Variants in UBE2R2 observed in about 807,000 individuals in gnomAD.
UBE2R2 encodes ubiquitin-conjugating enzyme E2 R2.
In UBE2R2, 1 loss-of-function variant was observed where a neutral mutation model predicts 27.8. The observed-to-expected ratio is 0.04, with a 90% CI of 0.01 to 0.17. UBE2R2 has a LOEUF of 0.17. Among genes scored for constraint, UBE2R2 ranks in the 10% least tolerant of loss-of-function variants. The pLI is 1.00. For missense variants in UBE2R2, 100 were observed against 291.0 expected (o/e 0.34, Z 4.78); for synonymous variants, 106 against 113.3 (o/e 0.94, Z 0.41).
rs563352616 is a variant in UBE2R2, at chr9:33,849,825, G to A, written c.177+31891G>A. Among the ~76,000 whole-genome samples the A allele has an allele frequency of 5.9e-5, 9 of 152,128 alleles. No individual in the cohort carries two copies. The South Asian group carries it at 1.9e-3, about 32-fold the overall frequency. On this transcript the variant is annotated intron_variant, in intron 1 of 4. Coordinates refer to ENST00000263228, the MANE Select transcript of UBE2R2 (RefSeq NM_017811.4). ...TGAGCCAAGCCAAGATCTTACTACT[G>A]CGCTCCAGCCTGGGCAACAGAACCA...
chr9:33,911,433 A>AC, intron 3 of UBE2R2, among the ~76,000 whole-genome samples: 1 of 140,810 alleles, frequency 7.1e-6, no homozygotes, highest in Non-Finnish European at 1.5e-5. Flanking sequence ...AAAAAAAAAA[A>AC]AACCTGGTTA....
At chr9:33,890,373 C>T (rs957016891) in intron 2 of UBE2R2, among the ~76,000 whole-genome samples, 4 of 152,108 alleles carry the variant, frequency 2.6e-5, no homozygotes, top group Non-Finnish European at 5.9e-5. Context: ...TCAAGACCAG[C>T]CTGGTCAACA....
rs1411313910 is a variant in UBE2R2, at chr9:33,817,845, A to G, written c.88A>G (p.Ile30Val). The G allele has an allele frequency of 6.2e-7, 1 of 1,612,544 alleles. No individual in the cohort carries two copies. Among genetic ancestry groups the G allele is most frequent in the Non-Finnish European group, 8.5e-7 (1 of 1,179,264 alleles). Residue 30 changes from isoleucine (I) to valine (V), a missense_variant, in exon 1 of 5, where the codon ATC (isoleucine) becomes GTC (valine). Transcript: ENST00000263228. ...LQEEPVEGFR[I>V]TLVDESDLYN... is the part of the protein sequence containing the mutation. ...GGAGGAACCGGTGGAGGGCTTCCGG[A>G]TCACCCTGGTGGACGAGTCCGACCT...
chr9:33,873,174 T>TAAA (rs540364601), intron 1 of UBE2R2, among the ~76,000 whole-genome samples: 7 of 109,190 alleles, frequency 6.4e-5, no homozygotes, highest in Middle Eastern at 4.6e-3. Context: ...GACTCCGTCT[T>TAAA]AAAAAAAAAA....
intron 1 of UBE2R2, among the ~76,000 whole-genome samples, chr9:33,865,615 C>T (rs1270019807): frequency 2.6e-5 from 4 of 152,118 alleles, no homozygotes; most frequent in South Asian, 2.1e-4. Context: ...ATCCCATAAA[C>T]GTATTCATTA....
At chr9:33,916,990 A>T (rs1822661730) in intron 4 of UBE2R2, 28 bp from the exon 5 acceptor site, 3 of 1,612,738 alleles carry the variant, frequency 1.9e-6, no homozygotes, top group Non-Finnish European at 2.5e-6. Context: ...ACTTACCGTA[A>T]ACCATTTCTG....
At chr9:33,844,643 C>G (rs1420100439) in intron 1 of UBE2R2, among the ~76,000 whole-genome samples, 1 of 149,184 alleles carries the variant, frequency 6.7e-6, no homozygotes, top group Non-Finnish European at 1.5e-5. Context: ...TCCAAACATT[C>G]ATTAGAGAGG....
intron 4 of UBE2R2, among the ~76,000 whole-genome samples, chr9:33,916,422 TAATTA>T (rs1450339720): frequency 2.0e-5 from 3 of 152,174 alleles, no homozygotes; most frequent in Non-Finnish European, 2.9e-5. Flanking sequence ...ATTAAGAGGA[TAATTA>T]AATTAAGAAT....
intron 3 of UBE2R2, among the ~76,000 whole-genome samples, chr9:33,910,987 C>G (rs1172532628): frequency 6.6e-6 from 1 of 152,116 alleles, no homozygotes; most frequent in Admixed American, 6.6e-5. Flanking sequence ...GCCTGTAATC[C>G]CAGCTACTCA....
At chr9:33,870,970 A>C (rs953762503) in intron 1 of UBE2R2, among the ~76,000 whole-genome samples, 1 of 152,184 alleles carries the variant, frequency 6.6e-6, no homozygotes, top group African/African-American at 2.4e-5. Context: ...TTTTGTGTTT[A>C]TTCCAACTGC....
chr9:33,821,212 G>A (rs761621315), intron 1 of UBE2R2, among the ~76,000 whole-genome samples: 3 of 152,140 alleles, frequency 2.0e-5, no homozygotes, highest in African/African-American at 4.8e-5. Context: ...GGGTACAGTG[G>A]TGTGATCATG....
At chr9:33,831,104 G>T (rs1383692154) in intron 1 of UBE2R2, 1 of 148,128 alleles carries the variant, frequency 6.8e-6, no homozygotes, top group Non-Finnish European at 1.5e-5. Flanking sequence ...AAAAGAATAG[G>T]TAAAGTTATA....
chr9:33,863,227 C>G (rs185719816), intron 1 of UBE2R2, among the ~76,000 whole-genome samples: 1 of 149,910 alleles, frequency 6.7e-6, no homozygotes, highest in East Asian at 2.0e-4. Flanking sequence ...AAAGAAAGTA[C>G]ATGGGTACAT....
At chr9:33,858,042 T>C (rs575511119) in intron 1 of UBE2R2, among the ~76,000 whole-genome samples, 4 of 152,236 alleles carry the variant, frequency 2.6e-5, no homozygotes, top group Admixed American at 2.6e-4. Context: ...GAGAGTTTTT[T>C]CCCCCACCTC....
At chr9:33,912,610 C>T (rs1822518407) in intron 4 of UBE2R2, among the ~76,000 whole-genome samples, 1 of 148,710 alleles carries the variant, frequency 6.7e-6, no homozygotes, top group African/African-American at 2.5e-5. Context: ...GGCGACAGTG[C>T]GAGACTCCAT....
intron 1 of UBE2R2, among the ~76,000 whole-genome samples, chr9:33,879,923 C>T (rs1008143136): frequency 6.6e-6 from 1 of 151,370 alleles, no homozygotes; most frequent in African/African-American, 2.4e-5. Flanking sequence ...CACTCTGTCA[C>T]CCAGGCTGGA....
At chr9:33,877,994 T>C (rs1365224521) in intron 1 of UBE2R2, among the ~76,000 whole-genome samples, 1 of 152,046 alleles carries the variant, frequency 6.6e-6, no homozygotes, top group Admixed American at 6.6e-5. Flanking sequence ...TGACCTCAGG[T>C]GATCCGCCCA....
intron 1 of UBE2R2, among the ~76,000 whole-genome samples, chr9:33,879,817 CTCTT>C (rs1307941001): frequency 3.5e-5 from 4 of 114,524 alleles, no homozygotes; most frequent in African/African-American, 3.4e-5. Context: ...TATGTCAGTT[CTCTT>C]TCTTCTGCTT....
intron 1 of UBE2R2, among the ~76,000 whole-genome samples, chr9:33,831,405 T>G (rs1329425044): frequency 6.6e-6 from 1 of 152,232 alleles, no homozygotes; most frequent in Non-Finnish European, 1.5e-5. Context: ...TTTTCCTTCT[T>G]ATGACTTAAT....
Sources: gnomAD v4.1 joint callset for allele counts (sites outside exome capture counted in the v4.1 genomes callset) on GRCh38, gnomAD v4.1.1 for gene constraint, MANE v1.5 for transcripts, NCBI Gene and HGNC (gene_info 2026-07-23, HGNC 2026-07-21) for gene names.